The following FAM53A variants were observed in gnomAD, a reference collection of about 807,000 sequenced individuals.
FAM53A encodes family with sequence similarity 53 member A.
FAM53A carries 28 observed loss-of-function variants against 26.6 expected under a neutral mutation model. The ratio of observed to expected loss-of-function variants is 1.05; its 90% confidence interval spans 0.78 to 1.45. The LOEUF is 1.45. FAM53A is among the 40% of genes most tolerant of loss of function. The probability of loss-of-function intolerance (pLI) is 0.00; values close to 1 mark genes in which losing one functional copy is unlikely to be tolerated. For missense variants in FAM53A, 650 were observed against 575.8 expected (o/e 1.13, Z -1.32); for synonymous variants, 290 against 253.1 (o/e 1.15, Z -1.38).
the FAM53A span, among the ~76,000 whole-genome samples, chr4:1,582,188 G>A: frequency 4.6e-5 from 7 of 152,244 alleles, no homozygotes; most frequent in Non-Finnish European, 1.0e-4. Context: ...CTCATGTCAC[G>A]TTTCAGCGTT....
intron 1 of FAM53A, among the ~76,000 whole-genome samples, chr4:1,679,861 C>T (rs968739528): frequency 6.6e-6 from 1 of 151,080 alleles, no homozygotes; most frequent in Non-Finnish European, 1.5e-5. Flanking sequence ...CCAGCCTGGC[C>T]CACACATCGA....
intron 4 of FAM53A, among the ~76,000 whole-genome samples, chr4:1,641,941 G>GGGCT (rs951459256): frequency 2.6e-5 from 4 of 152,134 alleles, no homozygotes; most frequent in African/African-American, 9.7e-5. Context: ...AAGATGCCCA[G>GGGCT]GGCTCACAGG....
intron 1 of FAM53A, among the ~76,000 whole-genome samples, chr4:1,631,871 T>C (rs181508979): frequency 6.6e-6 from 1 of 152,238 alleles, no homozygotes; most frequent in East Asian, 1.9e-4. Flanking sequence ...TTAAAAATTA[T>C]CCAAGCCACG....
chr4:1,684,417 A>T (rs1045307417), upstream of FAM53A: 6 of 146,536 alleles, frequency 4.1e-5, no homozygotes, highest in Admixed American at 2.7e-4. Flanking sequence ...CGCCTTCTCC[A>T]CGCCGGCCCT....
Position 1,673,357 on chromosome 4 carries a change from A to T in FAM53A, c.-164-4452T>A, listed in dbSNP as rs1312052416. Among the ~76,000 whole-genome samples, 9 of 152,208 alleles carry T rather than the reference A, an allele frequency of 5.9e-5. No individual in the cohort carries two copies. In the South Asian group the frequency reaches 1.4e-3, roughly 25 times the overall value. On this transcript the variant is annotated intron_variant, in intron 1 of 4. Coordinates refer to ENST00000308132, the MANE Select transcript of FAM53A (RefSeq NM_001174070.3). ...ACTGCCTGTGGTCACGTGTGATGTG[A>T]ACGCCTGGAGGGTCTGCACGCCCTC...
At chr4:1,638,624 A>T (rs1577097728), downstream of FAM53A, among the ~76,000 whole-genome samples, 1 of 152,180 alleles carries the variant, frequency 6.6e-6, no homozygotes, top group East Asian at 1.9e-4. Context: ...TGGCAAGTCC[A>T]AGGGTTGCAG....
chr4:1,590,766 A>G, the FAM53A span, among the ~76,000 whole-genome samples: 1 of 151,708 alleles, frequency 6.6e-6, no homozygotes, highest in Non-Finnish European at 1.5e-5. Context: ...GTAAACTGAT[A>G]GATAATAGAG....
rs137944357 is a variant in FAM53A, at chr4:1,669,137, A to G, written c.-164-232T>C. On this transcript the variant is annotated intron_variant, in intron 1 of 4. Transcript: ENST00000308132. ...AGACCCACCCGCCCCGGAAGCCTCA[A>G]CTGAAAGAAGAAGATAGGCCACCCC... Among the ~76,000 whole-genome samples, 940 of 152,296 alleles carry G rather than the reference A, an allele frequency of 6.2e-3. 12 individuals carry two copies. Among genetic ancestry groups the G allele is most frequent in the African/African-American group, 0.021 (885 of 41,570 alleles).
chr4:1,616,887 G>A (rs1260255775), downstream of FAM53A, among the ~76,000 whole-genome samples: 13 of 152,244 alleles, frequency 8.5e-5, no homozygotes, highest in South Asian at 2.1e-4. Context: ...CTGCAATCCC[G>A]GCACTCTGGG....
the FAM53A span, among the ~76,000 whole-genome samples, chr4:1,595,988 C>T: frequency 6.6e-6 from 1 of 152,388 alleles, no homozygotes; most frequent in African/African-American, 2.4e-5. Flanking sequence ...TGGGGACCAG[C>T]ACCACCATCT....
intron 1 of FAM53A, among the ~76,000 whole-genome samples, chr4:1,626,090 C>A (rs73076092): frequency 6.6e-6 from 1 of 152,296 alleles, no homozygotes; most frequent in Non-Finnish European, 1.5e-5. Flanking sequence ...GAGCCCCTGC[C>A]GTCCTTCTGG....
intron 1 of FAM53A, among the ~76,000 whole-genome samples, chr4:1,629,467 CA>C (rs746870131): frequency 9.2e-5 from 14 of 152,184 alleles, no homozygotes; most frequent in African/African-American, 1.2e-4. Flanking sequence ...GAGGCCTGGC[CA>C]GGGGGCAGTA....
chr4:1,656,056 G>T (rs1000545160), intron 3 of FAM53A, among the ~76,000 whole-genome samples: 16 of 152,180 alleles, frequency 1.1e-4, no homozygotes, highest in Admixed American at 1.0e-3. Context: ...TCCTCAAAAT[G>T]CCCCTCTCCC....
intron 1 of FAM53A, among the ~76,000 whole-genome samples, chr4:1,632,946 C>T (rs752769018): frequency 1.3e-5 from 2 of 152,230 alleles, no homozygotes; most frequent in Non-Finnish European, 2.9e-5. Flanking sequence ...TATGCACACA[C>T]GTGCACAGAC....
chr4:1,655,194 C>A lies in FAM53A; in HGVS notation c.666G>T (p.Pro222=). The change falls in exon 4 of 5, where the codon CCG becomes CCT. Residue 222 remains proline (P), a synonymous_variant. Coordinates refer to ENST00000308132, the MANE Select transcript of FAM53A (RefSeq NM_001174070.3). ...ESCLPSTRRR[P]SLSQERLAGA... ...CCGCGAGTCGCTCCTGTGAGAGGGA[C>A]GGGCGGCGCCTCGTGGAGGGCAAGC... 1 of 1,561,260 alleles carries A rather than the reference C, an allele frequency of 6.4e-7. No individual in the cohort carries two copies. Among genetic ancestry groups the A allele is most frequent in the Non-Finnish European group, 8.6e-7 (1 of 1,161,570 alleles).
chr4:1,655,486 G>A lies in FAM53A; in HGVS notation c.374C>T (p.Ser125Leu), dbSNP rs371246540. Residue 125 changes from serine (S) to leucine (L), a missense_variant, in exon 4 of 5, where the codon TCA becomes TTA. Ser to Leu is a moderately radical substitution (Grantham distance 145, BLOSUM62 -2). Transcript: ENST00000308132. ...PPTKRHCRSL[S>L]EPEELVRCRS... Reference sequence around the variant, plus strand: ...GCAGCGCACAAGCTCCTCGGGTTCTGACAAGGACCGGCAATGCCGCTTGGT... The same window carrying A: ...GCAGCGCACAAGCTCCTCGGGTTCTAACAAGGACCGGCAATGCCGCTTGGT... 174 of 1,576,058 alleles carry A rather than the reference G, an allele frequency of 1.1e-4. No individual in the cohort carries two copies. In the African/African-American group the frequency reaches 1.2e-3, roughly 11 times the overall value.
chr4:1,675,255 G>A (rs1192020227), intron 1 of FAM53A, among the ~76,000 whole-genome samples: 1 of 152,150 alleles, frequency 6.6e-6, no homozygotes, highest in Non-Finnish European at 1.5e-5. Context: ...GCCACCAACA[G>A]GTGAGGAGTG....
intron 4 of FAM53A, among the ~76,000 whole-genome samples, chr4:1,646,913 G>A (rs977898169): frequency 3.3e-5 from 5 of 152,158 alleles, no homozygotes; most frequent in South Asian, 2.1e-4. Context: ...AAAAGCACAC[G>A]CTTTTATAGA....
rs1715335021 is a variant in FAM53A at position 1,626,973 on chromosome 4, A to AG, written c.432-8863dup. 2.0e-5 allele frequency among the ~76,000 whole-genome samples: 3 copies of AG among 152,204 alleles called. No homozygotes were observed. The South Asian group carries it at 6.2e-4, about 31-fold the overall frequency. On this transcript the variant is annotated intron_variant, in intron 1 of 1. Transcript: ENST00000489029. ...CCTGGCCTGGAGGCTGCCTGAGGGC[A>AG]GGGGCTGTGGGACAGGACAGACTAA... is the stretch of plus-strand genomic sequence containing the variant.
Sources: allele counts gnomAD v4.1 joint callset (sites outside exome capture counted in the v4.1 genomes callset), GRCh38; gene constraint gnomAD v4.1.1; transcripts MANE v1.5; gene names NCBI Gene and HGNC (gene_info 2026-07-23, HGNC 2026-07-21).